ZNF436: variants seen among roughly 807,000 people sequenced by gnomAD.
The protein encoded by ZNF436 is DNA-binding protein.
Under a neutral mutation model 41.9 loss-of-function variants are expected in ZNF436, and 22 were observed. The ratio of observed to expected loss-of-function variants is 0.53; its 90% CI spans 0.38 to 0.75. The LOEUF is 0.75. Ranked by LOEUF, ZNF436 falls within the 30% of genes least tolerant of loss-of-function variation. The pLI is 0.00. For synonymous variants in ZNF436, 217 were observed against 197.8 expected, an observed-to-expected ratio of 1.10 and a Z score of -0.82; for missense variants, 506 against 587.3, an observed-to-expected ratio of 0.86 and a Z score of 1.43.
Position 23,362,517 on chromosome 1 carries a change from C to T in ZNF436, c.865G>A (p.Glu289Lys). The change falls in exon 4 of 4, where the codon GAG (glutamate) becomes AAG (lysine). Residue 289 changes from glutamate (E) to lysine (K), a missense_variant. This residue lies in a region of ZNF436 where 278 missense variants were observed against 372.1 expected (regional missense o/e 0.75). Coordinates refer to ENST00000314011, the MANE Select transcript of ZNF436 (RefSeq NM_001077195.2). ...ECNECGRGFS[E>K]RSDLIKHYRV... ...TAGTGTTTGATGAGATCAGATCTCTCACTGAAGCCTCGGCCACATTCGTTA... is the reference window on the plus strand; with the variant it reads ...TAGTGTTTGATGAGATCAGATCTCTTACTGAAGCCTCGGCCACATTCGTTA... 1 of 1,613,832 alleles carries T rather than the reference C, an allele frequency of 6.2e-7. No individual in the cohort carries two copies. Among genetic ancestry groups the T allele is most frequent in the Non-Finnish European group, 8.5e-7 (1 of 1,179,964 alleles).
chr1:23,365,083 C>T (rs1052913055), intron 3 of ZNF436, among the ~76,000 whole-genome samples: 1 of 152,016 alleles, frequency 6.6e-6, no homozygotes. Context: ...ATAGGGAGGT[C>T]TCACTTCTAT....
intron 3 of ZNF436, 25 bp downstream of exon 3, chr1:23,367,017 A>G (rs1638373328): frequency 3.1e-6 from 5 of 1,602,284 alleles, no homozygotes; most frequent in African/African-American, 1.3e-5. Flanking sequence ...ACGTGGAGGC[A>G]AAGAAAGGTA....
Position 23,362,127 on chromosome 1 carries a change from C to T in ZNF436, c.1255G>A (p.Glu419Lys), listed in dbSNP as rs904726179. ...AAACCTTTCCCACACTGCACACACT[C>T]GTAGGGCTTCTCCCCTGTGTGGGTT... ...QRTHTGEKPY[E>K]CVQCGKGFTQ... The change falls in exon 4 of 4, where the codon GAG (glutamate) becomes AAG (lysine). Residue 419 changes from glutamate to lysine, a missense_variant. Physicochemically the swap from Glu to Lys is moderately conservative, Grantham distance 56. Coordinates refer to ENST00000314011, the MANE Select transcript of ZNF436 (RefSeq NM_001077195.2). 4 of 1,614,034 alleles carry T rather than the reference C, an allele frequency of 2.5e-6. No homozygotes were observed. Among genetic ancestry groups the T allele is most frequent in the Non-Finnish European group, 3.4e-6 (4 of 1,180,018 alleles).
Position 23,360,090 on chromosome 1 carries a change from A to C in ZNF436, c.*1879T>G, listed in dbSNP as rs1049239104. On this transcript the variant is annotated 3_prime_UTR_variant, in exon 4 of 4. Transcript: ENST00000314011. ...CGACAATTAAAATATGGATACCCAC[A>C]GTCTGCTAGATTTTGTAAATAACAA... 3 of 152,284 alleles carry C rather than the reference A, an allele frequency of 2.0e-5. No individual in the cohort carries two copies. The East Asian group carries it at 5.8e-4, about 29-fold the overall frequency. The allele number at this position is 152,284 out of a possible 1,614,324, so 9.4% of individuals were successfully genotyped here.
intron 2 of ZNF436, 104 bp downstream of exon 2, chr1:23,367,869 A>T: frequency 7.4e-7 from 1 of 1,349,486 alleles, no homozygotes; most frequent in Non-Finnish European, 1.1e-6. Context: ...GAAGCCAGCG[A>T]ATTACTAATC....
chr1:23,369,341 C>G (rs1638444920), intron 1 of ZNF436, 25 bp downstream of exon 1: 1 of 531,640 alleles, frequency 1.9e-6, no homozygotes, highest in Non-Finnish European at 3.9e-6. Context: ...AGCCGAAAAC[C>G]CGAGTGGGGG....
In ZNF436 at chr1:23,362,471, C is replaced by T. The variant is rs1208726123; in HGVS notation, c.911G>A (p.Arg304Lys). Residue 304 changes from arginine (R) to lysine (K), a missense_variant, in exon 4 of 4, where the codon AGG becomes AAG. Coordinates refer to ENST00000314011, the MANE Select transcript of ZNF436 (RefSeq NM_001077195.2). Reference sequence around the variant, plus strand: ...CCCACACTCATCACACTTGTAGGGCCTCTCCCCTGTGTGGACTCGATAGTG... The same window carrying T: ...CCCACACTCATCACACTTGTAGGGCTTCTCCCCTGTGTGGACTCGATAGTG... The part of the protein sequence containing the change: ...IKHYRVHTGE[R>K]PYKCDECGKN... The T allele has an allele frequency of 3.1e-6, 5 of 1,612,524 alleles. No homozygotes were observed. Among genetic ancestry groups the T allele is most frequent in the Non-Finnish European group, 4.2e-6 (5 of 1,179,540 alleles).
chr1:23,367,849 G>T, intron 2 of ZNF436, 124 bp downstream of exon 2: 1 of 1,076,694 alleles, frequency 9.3e-7, no homozygotes, highest in Non-Finnish European at 1.4e-6. Flanking sequence ...GCCCCTGGAG[G>T]CAGAATATCG....
intron 3 of ZNF436, among the ~76,000 whole-genome samples, chr1:23,366,726 G>A (rs765978963): frequency 6.6e-6 from 1 of 152,200 alleles, no homozygotes; most frequent in African/African-American, 2.4e-5. Context: ...ACTAGTTACG[G>A]GGCATTTATA....
chr1:23,368,241 G>A, intron 1 of ZNF436, 176 bp from the exon 2 acceptor site: 2 of 569,906 alleles, frequency 3.5e-6, no homozygotes, highest in South Asian at 2.0e-5. Context: ...GCGGGGTGGA[G>A]GCAATGCCGG....
chr1:23,360,400 A>G lies in ZNF436; in HGVS notation c.*1569T>C, dbSNP rs1462913479. On this transcript the variant is annotated 3_prime_UTR_variant, in exon 4 of 4. Coordinates refer to ENST00000314011, the MANE Select transcript of ZNF436 (RefSeq NM_001077195.2). ...TAGAAATAAACTGGGGGTACTCTCA[A>G]AAGAAAAGATATTCCTCACTCCAGT... 2 of 149,744 alleles carry G rather than the reference A, an allele frequency of 1.3e-5. No homozygotes were observed. The highest frequency in any genetic ancestry group is 3.0e-5 in the Non-Finnish European group (2 of 66,514). 9.3% of individuals were successfully genotyped at this position (149,744 alleles called of 1,614,324 possible).
At position 23,367,966 on chromosome 1, in the gene ZNF436, G is replaced by T; in HGVS notation, c.33+7C>A. The T allele has an allele frequency of 6.2e-7, 1 of 1,614,002 alleles. No individual in the cohort carries two copies. The highest frequency in any genetic ancestry group is 2.2e-5 in the East Asian group (1 of 44,882). ...AGACAAGGTCTGAGAAGCCACCTCC[G>T]GCTTACCTGGGACCCAGCCATGAGC... is the stretch of plus-strand genomic sequence containing the variant. On this transcript the variant is annotated splice_region_variant and intron_variant, in intron 2 of 3. Transcript: ENST00000314011.
At chr1:23,368,176 G>A in intron 1 of ZNF436, 111 bp from the exon 2 acceptor site, 1 of 682,142 alleles carries the variant, frequency 1.5e-6, no homozygotes. Flanking sequence ...ACCAGGGCCG[G>A]GTCACTCTCC....
chr1:23,360,938 A>G lies in ZNF436; in HGVS notation c.*1031T>C, dbSNP rs1054981190. The G allele has an allele frequency of 6.5e-6, 1 of 152,676 alleles. No homozygotes were observed. Among genetic ancestry groups the G allele is most frequent in the East Asian group, 1.9e-4 (1 of 5,204 alleles). 9.5% of individuals were successfully genotyped at this position (152,676 alleles called of 1,614,324 possible). A position where few individuals can be genotyped will look rare whatever the true frequency, so the allele number is the denominator to read the frequency against. The stretch of plus-strand genomic sequence containing the variant: ...AGTTTCTATTAGAAAAACCACAGGA[A>G]TACACATTACTGTACATACACATGC... On this transcript the variant is annotated 3_prime_UTR_variant, in exon 4 of 4. Transcript: ENST00000314011.
chr1:23,369,218 C>T (rs1638440673), intron 1 of ZNF436, 148 bp downstream of exon 1: 6 of 425,538 alleles, frequency 1.4e-5, no homozygotes, highest in Non-Finnish European at 2.4e-5. Flanking sequence ...GAGGGCTTGT[C>T]TGCTACAGGG....
intron 3 of ZNF436, 75 bp from the exon 4 acceptor site, chr1:23,363,296 T>C: frequency 7.7e-7 from 1 of 1,295,656 alleles, no homozygotes; most frequent in Non-Finnish European, 1.0e-6. Flanking sequence ...ATACTAAATT[T>C]TTTTTTTTTT....
At position 23,360,235 on chromosome 1, in the gene ZNF436, C is replaced by T. The variant is rs1646984849; in HGVS notation, c.*1734G>A. ...TAACAAGTGATGTGGTCCCACACAGCTGTGGGTCACAATAACTCATTATAG... is the reference window on the plus strand; with the variant it reads ...TAACAAGTGATGTGGTCCCACACAGTTGTGGGTCACAATAACTCATTATAG... On this transcript the variant is annotated 3_prime_UTR_variant, in exon 4 of 4. Transcript: ENST00000314011. 1.3e-5 allele frequency: 2 copies of T among 152,256 alleles called. No homozygotes were observed. Among genetic ancestry groups the T allele is most frequent in the Admixed American group, 1.3e-4 (2 of 15,284 alleles). The allele number at this position is 152,256 out of a possible 1,614,324, so 9.4% of individuals were successfully genotyped here.
In ZNF436 at chr1:23,362,960, G is replaced by C. The variant is rs1378076417; in HGVS notation, c.422C>G (p.Ser141Cys). The change falls in exon 4 of 4, where the codon TCT becomes TGT. Residue 141 changes from serine to cysteine, a missense_variant. Around this residue, in one of 2 missense-constraint regions of ZNF436, gnomAD observed 228 missense variants for 215.1 expected, o/e 1.06. Coordinates refer to ENST00000314011, the MANE Select transcript of ZNF436 (RefSeq NM_001077195.2). ...VHTGIRYHIC[S>C]HCGKAFSQIS... ...CTGACTGAAGGCCTTTCCACAATGA[G>C]AACATATATGATAGCGGATGCCTGT... 6.2e-7 allele frequency: 1 copy of C among 1,614,172 alleles called. No homozygotes were observed. The highest frequency in any genetic ancestry group is 1.7e-5 in the Admixed American group (1 of 60,018).
At chr1:23,364,033 C>A (rs946798432) in intron 3 of ZNF436, among the ~76,000 whole-genome samples, 5 of 146,184 alleles carry the variant, frequency 3.4e-5, no homozygotes, top group African/African-American at 1.3e-4. Context: ...CAGAACGAGA[C>A]CCTGTCTCTT....
Sources: allele counts gnomAD v4.1 joint callset (sites outside exome capture counted in the v4.1 genomes callset), GRCh38; gene constraint gnomAD v4.1.1; regional missense constraint gnomAD v4.1.1; transcripts MANE v1.5; gene names NCBI Gene and HGNC (gene_info 2026-07-23, HGNC 2026-07-21).